IQSEC3: variants seen among roughly 807,000 people sequenced by gnomAD.
IQSEC3 encodes IQ motif and SEC7 domain-containing protein 3.
Under a neutral mutation model 105.4 loss-of-function variants are expected in IQSEC3, and 50 were observed. That is an observed-to-expected ratio of 0.47 (90% CI 0.38 to 0.60). The LOEUF is 0.60. Ranked by LOEUF, IQSEC3 falls within the 20% of genes least tolerant of loss-of-function variation. IQSEC3 has a pLI of 0.00. For synonymous variants in IQSEC3, 708 were observed against 746.0 expected (o/e 0.95, Z 0.83); for missense variants, 1,415 against 1,630.0 (o/e 0.87, Z 2.27).
In IQSEC3 at chr12:138,765, G is replaced by A. The variant is rs181407967; in HGVS notation, c.1402G>A (p.Ala468Thr). 106 of 1,575,590 alleles carry A rather than the reference G, an allele frequency of 6.7e-5. No individual in the cohort carries two copies. The highest frequency in any genetic ancestry group is 1.7e-4 in the Middle Eastern group (1 of 5,906). ...SAGPGPGDDA[A>T]ETPGLPPAHS... The stretch of plus-strand genomic sequence containing the variant: ...GGGCCCCGGGCCCGGGGATGACGCC[G>A]CGGAGACCCCCGGCCTGCCCCCGGC... Residue 468 changes from alanine (A) to threonine (T), a missense_variant, in exon 4 of 14, where the codon GCG becomes ACG. Ala to Thr is a moderately conservative substitution (Grantham distance 58). Coordinates refer to ENST00000538872, the MANE Select transcript of IQSEC3 (RefSeq NM_001170738.2). This position sits in a 1 kb window ranked among gnomAD's most constrained non-coding sequence, Gnocchi z 7.1.
At chr12:103,675 CAGGGCTCAGGGGTAGGTG>C (rs1565397317) in intron 2 of IQSEC3, among the ~76,000 whole-genome samples, 2 of 24,842 alleles carry the variant, frequency 8.1e-5, no homozygotes, top group African/African-American at 2.8e-4. Flanking sequence ...GGTGGGGAGG[CAGGGCTCAGGGGTAGGTG>C]GGGGCTCAGG....
In IQSEC3 at chr12:138,996, C is replaced by A; in HGVS notation, c.1633C>A (p.Arg545=). Residue 545 remains arginine, a synonymous_variant, in exon 4 of 14, where the codon CGG becomes AGG. Coordinates refer to ENST00000538872, the MANE Select transcript of IQSEC3 (RefSeq NM_001170738.2). The surrounding 1 kb of genome is among the most constrained non-coding windows in gnomAD (Gnocchi z 7.1). ...GGCCCCGGAAGCCCCCGCCGTGGGC[C>A]GGGAGGACGCGTCAGCCGAGGACTC... ...REAPEAPAVG[R]EDASAEDSCA... is the part of the protein sequence containing the mutation. 1 of 1,528,594 alleles carries A rather than the reference C, an allele frequency of 6.5e-7. No homozygotes were observed. The highest frequency in any genetic ancestry group is 8.8e-7 in the Non-Finnish European group (1 of 1,138,000). 94.7% of individuals were successfully genotyped at this position (1,528,594 alleles called of 1,614,324 possible).
chr12:141,312 C>T (rs1555089194), intron 5 of IQSEC3, 27 bp downstream of exon 5: 1 of 1,596,858 alleles, frequency 6.3e-7, no homozygotes, highest in Admixed American at 1.7e-5. Context: ...CCGGGCTTTC[C>T]CCACTCCTTC....
At chr12:115,546 G>A (rs987384148) in intron 2 of IQSEC3, among the ~76,000 whole-genome samples, 1 of 152,224 alleles carries the variant, frequency 6.6e-6, no homozygotes, top group East Asian at 1.9e-4. Flanking sequence ...TGAACCGGAA[G>A]CTGGGGATGC....
intron 2 of IQSEC3, among the ~76,000 whole-genome samples, chr12:108,331 C>A (rs182524329): frequency 7.8e-4 from 119 of 152,334 alleles, no homozygotes; most frequent in African/African-American, 2.8e-3. Flanking sequence ...ATATACAGTG[C>A]CTTCTTGGCC....
intron 1 of IQSEC3, among the ~76,000 whole-genome samples, chr12:76,630 AC>A (rs1393753049): frequency 2.0e-5 from 3 of 152,218 alleles, no homozygotes; most frequent in African/African-American, 7.2e-5. Context: ...GGGCAAATCT[AC>A]CACGCCTCCA....
At chr12:119,001 C>A (rs140301967) in intron 2 of IQSEC3, among the ~76,000 whole-genome samples, 5 of 152,214 alleles carry the variant, frequency 3.3e-5, no homozygotes, top group Non-Finnish European at 7.3e-5. Flanking sequence ...TACTTCCCAC[C>A]GTGGTGGATA....
At chr12:120,973 G>A (rs1196398286) in intron 2 of IQSEC3, among the ~76,000 whole-genome samples, 7 of 152,188 alleles carry the variant, frequency 4.6e-5, no homozygotes, top group East Asian at 3.8e-4. Flanking sequence ...GTGACCTCAC[G>A]TTTTCTCCCG....
chr12:158,137 C>A (rs1328687600), intron 7 of IQSEC3, among the ~76,000 whole-genome samples: 1 of 151,950 alleles, frequency 6.6e-6, no homozygotes, highest in African/African-American at 2.4e-5. Context: ...TGGCAGGGAG[C>A]AAACCAGGAC....
At chr12:98,583 C>A (rs1555075276) in intron 1 of IQSEC3, among the ~76,000 whole-genome samples, 1 of 152,198 alleles carries the variant, frequency 6.6e-6, no homozygotes, top group Non-Finnish European at 1.5e-5. Context: ...CAGATCCCTG[C>A]CTTCTGCGTT....
At chr12:75,147 T>C (rs2650210) in intron 1 of IQSEC3, among the ~76,000 whole-genome samples, 2,314 of 152,216 alleles carry the variant, frequency 0.015, 29 homozygotes, top group African/African-American at 0.045. Flanking sequence ...ACACATTTAT[T>C]CTTATTAGTC....
At chr12:126,513 T>A (rs562147968) in intron 3 of IQSEC3, among the ~76,000 whole-genome samples, 4 of 150,884 alleles carry the variant, frequency 2.7e-5, no homozygotes, top group African/African-American at 9.8e-5. Flanking sequence ...AATGCCTCAG[T>A]TTGTCTTGGC....
Position 169,210 on chromosome 12 carries a change from C to T in IQSEC3, c.3064+105C>T, listed in dbSNP as rs2291920. 0.32 allele frequency: 275,313 copies of T among 869,772 alleles called. 45,740 individuals carry two copies. Among genetic ancestry groups the T allele is most frequent in the South Asian group, 0.41 (26,635 of 65,272 alleles). The allele number at this position is 869,772 out of a possible 1,614,324, so 53.9% of individuals were successfully genotyped here. On this transcript the variant is annotated intron_variant, in intron 12 of 13. Transcript: ENST00000538872. ...CAGGGAGAGGTGCCCATTCCCGTGG[C>T]GTGTTTCTTCCTGCTGAGGAGCGCC...
chr12:139,354 T>C lies in IQSEC3; in HGVS notation c.1991T>C (p.Ile664Thr), dbSNP rs146264787. 6.5e-7 allele frequency: 1 copy of C among 1,548,626 alleles called. No homozygotes were observed. The highest frequency in any genetic ancestry group is 1.2e-5 in the South Asian group (1 of 84,172). The change falls in exon 4 of 14, where the codon ATA becomes ACA. Residue 664 changes from isoleucine (I) to threonine (T), a missense_variant and splice_region_variant. By Grantham distance (89) the Ile-to-Thr change is moderately conservative (BLOSUM62 -1). This residue lies in a region of IQSEC3 where 213 missense variants were observed against 306.2 expected (regional missense o/e 0.70). Coordinates refer to ENST00000538872, the MANE Select transcript of IQSEC3 (RefSeq NM_001170738.2). The stretch of plus-strand genomic sequence containing the variant: ...CGCATCGGCCTCAACCTCTTCAACA[T>C]GTAAGTCAGCCCCGGCCCCCAGCCC... ...LYRIGLNLFNINPDKGIQFLI... is the reference protein window; with the variant it reads ...LYRIGLNLFNTNPDKGIQFLI...
intron 1 of IQSEC3, among the ~76,000 whole-genome samples, chr12:93,222 C>T (rs531425182): frequency 2.6e-5 from 4 of 152,152 alleles, no homozygotes; most frequent in African/African-American, 9.7e-5. Flanking sequence ...ATGGACCCCC[C>T]CAAAGCTTCA....
At chr12:72,579 G>A (rs1227546393) in intron 1 of IQSEC3, among the ~76,000 whole-genome samples, 2 of 129,010 alleles carry the variant, frequency 1.6e-5, no homozygotes, top group Non-Finnish European at 3.7e-5. Flanking sequence ...ACTCTCAGAG[G>A]TGAGGCCATC....
At position 175,149 on chromosome 12, in the gene IQSEC3, T is replaced by C; in HGVS notation, c.*116T>C. 1 of 850,240 alleles carries C rather than the reference T, an allele frequency of 1.2e-6. No homozygotes were observed. Among genetic ancestry groups the C allele is most frequent in the Non-Finnish European group, 1.7e-6 (1 of 574,336 alleles). The allele number at this position is 850,240 out of a possible 1,614,324, so 52.7% of individuals were successfully genotyped here. On this transcript the variant is annotated 3_prime_UTR_variant, in exon 14 of 14. Coordinates refer to ENST00000538872, the MANE Select transcript of IQSEC3 (RefSeq NM_001170738.2). The stretch of plus-strand genomic sequence containing the variant: ...CGTTCCTGGTCACTGATCACCATCA[T>C]TTTGGGAAGAGAATCCCAATCCCTG...
intron 7 of IQSEC3, among the ~76,000 whole-genome samples, chr12:159,809 C>A (rs1866822566): frequency 6.6e-6 from 1 of 152,186 alleles, no homozygotes; most frequent in African/African-American, 2.4e-5. Context: ...TGTATTTGAT[C>A]ATTTCTGCCC....
Position 92,053 on chromosome 12 carries a change from A to G in IQSEC3, c.555-7093A>G, listed in dbSNP as rs141447364. On this transcript the variant is annotated intron_variant, in intron 1 of 13. Transcript: ENST00000538872. ...GATCCCCAACACATAAAAACCTCAT[A>G]CTGGGCCCACAGACTACCTCATGTT... Among the ~76,000 whole-genome samples the G allele has an allele frequency of 4.2e-3, 640 of 152,128 alleles. 5 individuals carry two copies. The highest frequency in any genetic ancestry group is 0.027 in the East Asian group (140 of 5,170).
Sources: allele counts gnomAD v4.1 joint callset (sites outside exome capture counted in the v4.1 genomes callset), GRCh38; gene constraint gnomAD v4.1.1; regional missense constraint gnomAD v4.1.1; non-coding constraint Gnocchi (gnomAD v3.1); transcripts MANE v1.5; gene names NCBI Gene and HGNC (gene_info 2026-07-23, HGNC 2026-07-21).